The following MTHFD2L variants were observed in gnomAD, a reference collection of about 807,000 sequenced individuals.
MTHFD2L encodes the protein methylenetetrahydrofolate dehydrogenase (NADP+ dependent) 2 like.
A neutral mutation model predicts 34.9 loss-of-function variants in MTHFD2L; 29 were observed. That is an observed-to-expected ratio of 0.83 (90% CI 0.62 to 1.13). MTHFD2L has a LOEUF of 1.13. MTHFD2L is among the 50% of genes most tolerant of loss of function. The probability of loss-of-function intolerance (pLI) is 0.00; values close to 1 mark genes in which losing one functional copy is unlikely to be tolerated. For missense variants in MTHFD2L, 481 were observed against 446.5 expected, an observed-to-expected ratio of 1.08 and a Z score of -0.70; for synonymous variants, 167 against 155.7, an observed-to-expected ratio of 1.07 and a Z score of -0.54.
intron 6 of MTHFD2L, among the ~76,000 whole-genome samples, chr4:74,229,492 G>T (rs1288155517): frequency 2.0e-5 from 3 of 152,134 alleles, no homozygotes; most frequent in Non-Finnish European, 1.5e-5. Context: ...AGGGTAGAAG[G>T]AGGAGGATTG....
chr4:74,139,669 T>C (rs1411691031), intron 1 of MTHFD2L, among the ~76,000 whole-genome samples: 1 of 152,128 alleles, frequency 6.6e-6, no homozygotes, highest in Non-Finnish European at 1.5e-5. Context: ...TTTTTTTCAC[T>C]TCTTTGTGGA....
At chr4:74,164,134 C>T (rs551563987) in intron 1 of MTHFD2L, among the ~76,000 whole-genome samples, 2 of 152,172 alleles carry the variant, frequency 1.3e-5, no homozygotes, top group Non-Finnish European at 2.9e-5. Flanking sequence ...CCTCAGCCTC[C>T]CAAAGTGCTG....
In MTHFD2L at chr4:74,174,633, G is replaced by A. The variant is rs749743704; in HGVS notation, c.271G>A (p.Asp91Asn). 5 of 1,602,392 alleles carry A rather than the reference G, an allele frequency of 3.1e-6. No homozygotes were observed. Among genetic ancestry groups the A allele is most frequent in the Non-Finnish European group, 4.3e-6 (5 of 1,174,970 alleles). Residue 91 changes from aspartate (D) to asparagine (N), a missense_variant, in exon 2 of 8, where the codon GAT (aspartate) becomes AAT (asparagine). Asp to Asn is a conservative substitution (Grantham distance 23). Transcript: ENST00000325278. ...TCACCTCAGTATAATTTTAGTGGGA[G>A]ATAACCCAGCAAGCCATACATATGT... ...RPHLSIILVG[D>N]NPASHTYVRN...
intron 6 of MTHFD2L, among the ~76,000 whole-genome samples, chr4:74,232,745 A>G (rs1371893337): frequency 6.6e-6 from 1 of 152,228 alleles, no homozygotes; most frequent in Non-Finnish European, 1.5e-5. Flanking sequence ...CTAAATATTT[A>G]AACAATTCTT....
chr4:74,126,583 G>A (rs557446053), intron 1 of MTHFD2L, among the ~76,000 whole-genome samples: 197 of 151,962 alleles, frequency 1.3e-3, no homozygotes, highest in Non-Finnish European at 2.2e-3. Context: ...GGCCATAGAC[G>A]TAAGAAGAGG....
At chr4:74,206,010 A>T (rs556808) in intron 5 of MTHFD2L, among the ~76,000 whole-genome samples, 35 of 151,994 alleles carry the variant, frequency 2.3e-4, no homozygotes, top group African/African-American at 8.2e-4. Context: ...TTTGAGTACC[A>T]TTGTGACCAC....
Position 74,199,960 on chromosome 4 carries a change from G to A in MTHFD2L, c.604+14G>A, listed in dbSNP as rs752444935. ...TAAAAAGAACAGGTTGGTAATTTGT[G>A]GTCTGCAGGACATGGATGCTAGGTG... is the stretch of plus-strand genomic sequence containing the variant. On this transcript the variant is annotated intron_variant, in intron 4 of 7. Coordinates refer to ENST00000325278, the MANE Select transcript of MTHFD2L (RefSeq NM_001144978.3). The A allele has an allele frequency of 6.2e-7, 1 of 1,613,402 alleles. No homozygotes were observed. The highest frequency in any genetic ancestry group is 8.5e-7 in the Non-Finnish European group (1 of 1,179,736).
intron 5 of MTHFD2L, among the ~76,000 whole-genome samples, chr4:74,219,774 A>G (rs1737835381): frequency 6.6e-6 from 1 of 152,084 alleles, no homozygotes; most frequent in Non-Finnish European, 1.5e-5. Context: ...ATGCCTTTCC[A>G]TGGTTAATAT....
intron 6 of MTHFD2L, among the ~76,000 whole-genome samples, chr4:74,247,113 A>G (rs1742586301): frequency 6.7e-6 from 1 of 150,206 alleles, no homozygotes; most frequent in Non-Finnish European, 1.5e-5. Flanking sequence ...ACCCATGAGC[A>G]TGGAATGTTC....
chr4:74,254,382 G>A (rs1743712119), intron 6 of MTHFD2L, among the ~76,000 whole-genome samples: 1 of 152,092 alleles, frequency 6.6e-6, no homozygotes, highest in African/African-American at 2.4e-5. Flanking sequence ...AATCTTGAAA[G>A]CCACAAAAGT....
chr4:74,238,800 G>A (rs13139420), intron 6 of MTHFD2L, among the ~76,000 whole-genome samples: 100,964 of 152,078 alleles, frequency 0.66, 35,141 homozygotes, highest in Middle Eastern at 0.79. Context: ...ACCATCTCAC[G>A]CCAGTTAGAA....
chr4:74,155,612 T>A (rs1433226069), upstream of MTHFD2L, among the ~76,000 whole-genome samples: 1 of 152,120 alleles, frequency 6.6e-6, no homozygotes, highest in South Asian at 2.1e-4. Context: ...TGTCAAACTT[T>A]AGGTAAAACA....
At chr4:74,167,233 C>T (rs75078633) in intron 1 of MTHFD2L, among the ~76,000 whole-genome samples, 495 of 152,310 alleles carry the variant, frequency 3.2e-3, no homozygotes, top group Non-Finnish European at 4.9e-3. Flanking sequence ...AGCAGCAAGC[C>T]CACCCATGGG....
intron 3 of MTHFD2L, chr4:74,180,828 G>A (rs533999027): frequency 5.2e-5 from 14 of 266,806 alleles, no homozygotes; most frequent in South Asian, 3.0e-4. Context: ...TGTCCTGACC[G>A]TGCAGAGATT....
chr4:74,139,835 T>A (rs530283456), intron 1 of MTHFD2L, among the ~76,000 whole-genome samples: 28 of 152,350 alleles, frequency 1.8e-4, no homozygotes, highest in Non-Finnish European at 3.7e-4. Context: ...CTTTTTCATT[T>A]CCTAGATTAG....
At chr4:74,133,133 A>G (rs1289911198) in intron 1 of MTHFD2L, among the ~76,000 whole-genome samples, 1 of 152,162 alleles carries the variant, frequency 6.6e-6, no homozygotes, top group East Asian at 1.9e-4. Context: ...TCTCTTTGTT[A>G]ATGCTGCCCT....
intron 3 of MTHFD2L, among the ~76,000 whole-genome samples, chr4:74,189,968 A>G (rs1207691516): frequency 6.6e-6 from 1 of 152,126 alleles, no homozygotes; most frequent in East Asian, 1.9e-4. Flanking sequence ...AGGTCAACGA[A>G]TATTTACCTA....
chr4:74,275,456 A>T (rs1460735281), intron 6 of MTHFD2L, among the ~76,000 whole-genome samples: 2 of 152,182 alleles, frequency 1.3e-5, no homozygotes, highest in Non-Finnish European at 2.9e-5. Context: ...CCTTGGATAT[A>T]TACCCAGTAA....
intron 6 of MTHFD2L, among the ~76,000 whole-genome samples, chr4:74,268,445 C>T (rs1323551434): frequency 1.3e-5 from 2 of 151,936 alleles, no homozygotes; most frequent in Admixed American, 1.3e-4. Context: ...TTACCTCTGA[C>T]TCATCATTGT....
Sources: gnomAD v4.1 joint callset for allele counts (sites outside exome capture counted in the v4.1 genomes callset) on GRCh38, gnomAD v4.1.1 for gene constraint, MANE v1.5 for transcripts, NCBI Gene and HGNC (gene_info 2026-07-23, HGNC 2026-07-21) for gene names.